Variants in LSAMP observed in about 807,000 individuals in gnomAD.
LSAMP encodes the protein limbic system-associated membrane protein.
Under a neutral mutation model 38.6 loss-of-function variants are expected in LSAMP, and 7 were observed. The observed-to-expected ratio is 0.18, with a 90% CI of 0.10 to 0.34. The LOEUF (loss-of-function observed/expected upper bound fraction) is 0.34. LSAMP is among the 10% of genes least tolerant of loss of function. The probability of loss-of-function intolerance (pLI) is 1.00; values close to 1 mark genes in which losing one functional copy is unlikely to be tolerated. For missense variants in LSAMP, 313 were observed against 420.0 expected (o/e 0.75, Z 2.23); for synonymous variants, 154 against 166.8 (o/e 0.92, Z 0.59).
At chr3:116,065,721 C>A (rs536487040) in intron 2 of LSAMP, among the ~76,000 whole-genome samples, 7 of 152,242 alleles carry the variant, frequency 4.6e-5, no homozygotes, top group African/African-American at 1.7e-4. Flanking sequence ...TAAATATGCC[C>A]AAGAGAACTG....
chr3:116,135,122 A>G (rs78826040), intron 1 of LSAMP, among the ~76,000 whole-genome samples: 8,848 of 152,240 alleles, frequency 0.058, 306 homozygotes, highest in Middle Eastern at 0.16. Context: ...ACTAAAACTC[A>G]GGAAATGAAT....
At chr3:116,194,068 G>T (rs1358363450) in intron 1 of LSAMP, among the ~76,000 whole-genome samples, 4 of 152,146 alleles carry the variant, frequency 2.6e-5, no homozygotes, top group Non-Finnish European at 5.9e-5. Flanking sequence ...AACGCAATCC[G>T]ACTCCTATAG....
At chr3:115,946,331 A>G (rs62268835) in intron 3 of LSAMP, among the ~76,000 whole-genome samples, 175 of 152,284 alleles carry the variant, frequency 1.1e-3, no homozygotes, top group Non-Finnish European at 2.1e-3. Flanking sequence ...CGGAAAGACT[A>G]ACAGAACAAA....
chr3:116,081,531 A>G (rs905484259), intron 2 of LSAMP, among the ~76,000 whole-genome samples: 6 of 152,172 alleles, frequency 3.9e-5, no homozygotes, highest in African/African-American at 1.4e-4. Context: ...AGACATTATA[A>G]TTTTAAGCCA....
At chr3:115,885,391 T>C (rs997384098) in intron 3 of LSAMP, among the ~76,000 whole-genome samples, 1 of 152,040 alleles carries the variant, frequency 6.6e-6, no homozygotes, top group African/African-American at 2.4e-5. Context: ...AGATTGTCTA[T>C]GTGCCCAGGA....
chr3:116,254,231 T>C (rs140960240), intron 1 of LSAMP, among the ~76,000 whole-genome samples: 125 of 152,274 alleles, frequency 8.2e-4, no homozygotes, highest in South Asian at 1.7e-3. Flanking sequence ...TTATAACTAT[T>C]AGTCTGTCCA....
chr3:116,400,040 T>C (rs2048817958), intron 1 of LSAMP, among the ~76,000 whole-genome samples: 1 of 152,238 alleles, frequency 6.6e-6, no homozygotes, highest in Non-Finnish European at 1.5e-5. Context: ...TCATTCCATC[T>C]GAACTACTCA....
chr3:115,870,986 C>T (rs891195131), intron 3 of LSAMP, among the ~76,000 whole-genome samples: 1 of 152,062 alleles, frequency 6.6e-6, no homozygotes, highest in African/African-American at 2.4e-5. Flanking sequence ...AAACTCATTA[C>T]ATGAAATCAC....
intron 3 of LSAMP, among the ~76,000 whole-genome samples, chr3:115,938,286 A>C (rs2107553010): frequency 6.6e-6 from 1 of 152,284 alleles, no homozygotes; most frequent in South Asian, 2.1e-4. Context: ...TCACAAAATA[A>C]ATACATCATT....
chr3:116,335,859 AG>A (rs1302015882), intron 1 of LSAMP, among the ~76,000 whole-genome samples: 1 of 152,086 alleles, frequency 6.6e-6, no homozygotes, highest in East Asian at 1.9e-4. Context: ...ACACAATGGT[AG>A]TATGGGTATC....
chr3:116,215,397 G>A (rs1283069944), intron 1 of LSAMP, among the ~76,000 whole-genome samples: 1 of 151,858 alleles, frequency 6.6e-6, no homozygotes, highest in Non-Finnish European at 1.5e-5. Flanking sequence ...TTCCAACTTT[G>A]CTTTTTAAAG....
chr3:116,327,325 C>A (rs2047786907), intron 1 of LSAMP, among the ~76,000 whole-genome samples: 1 of 152,118 alleles, frequency 6.6e-6, no homozygotes, highest in Non-Finnish European at 1.5e-5. Context: ...TCAGAGTTGC[C>A]AGGAACACTC....
chr3:116,253,743 A>C (rs2046715988), intron 1 of LSAMP, among the ~76,000 whole-genome samples: 1 of 152,184 alleles, frequency 6.6e-6, no homozygotes, highest in South Asian at 2.1e-4. Flanking sequence ...TAAATAAATA[A>C]ATCCGACAAA....
Position 116,325,328 on chromosome 3 carries a change from G to A in LSAMP, c.155+119549C>T, listed in dbSNP as rs2047755526. ...GCCTAAATATTATTTCTTAAACAAG[G>A]AATCGCTACCTCTTTCTTAGAGTTA... On this transcript the variant is annotated intron_variant, in intron 1 of 6. Coordinates refer to ENST00000490035, the MANE Select transcript of LSAMP (RefSeq NM_002338.5). Among the ~76,000 whole-genome samples the A allele has an allele frequency of 2.6e-5, 4 of 151,964 alleles. No homozygotes were observed. In the Middle Eastern group the frequency reaches 0.01, roughly 388 times the overall value.
chr3:116,020,689 C>T lies in LSAMP; in HGVS notation c.389-1049G>A, dbSNP rs992256787. ...TTCAGGGTGGCAACATTAGATCACA[C>T]GTCGGTAGGCTTAAGTGGGGAGTGA... On this transcript the variant is annotated intron_variant, in intron 2 of 6. Coordinates refer to ENST00000490035, the MANE Select transcript of LSAMP (RefSeq NM_002338.5). Among the ~76,000 whole-genome samples the T allele has an allele frequency of 3.9e-5, 6 of 152,168 alleles. 1 individual carries two copies. The highest frequency in any genetic ancestry group is 4.1e-4 in the South Asian group (2 of 4,830).
chr3:116,217,955 T>C (rs548140378), intron 1 of LSAMP, among the ~76,000 whole-genome samples: 1 of 152,226 alleles, frequency 6.6e-6, no homozygotes, highest in East Asian at 1.9e-4. Context: ...GTGGTTCAGG[T>C]GAAAAGAACC....
chr3:116,025,045 T>C (rs1940748963), intron 2 of LSAMP, among the ~76,000 whole-genome samples: 1 of 152,076 alleles, frequency 6.6e-6, no homozygotes, highest in South Asian at 2.1e-4. Flanking sequence ...CTGTTTAACA[T>C]AATACTCTTA....
At chr3:116,325,179 G>A (rs1167175198) in intron 1 of LSAMP, among the ~76,000 whole-genome samples, 2 of 151,518 alleles carry the variant, frequency 1.3e-5, no homozygotes, top group Admixed American at 1.3e-4. Flanking sequence ...GCCCAGGCTG[G>A]AGTGCAGTGG....
chr3:116,254,858 G>A (rs1361964978), intron 1 of LSAMP, among the ~76,000 whole-genome samples: 1 of 152,108 alleles, frequency 6.6e-6, no homozygotes, highest in Non-Finnish European at 1.5e-5. Flanking sequence ...TTTAAATTTT[G>A]CACTGAATGT....
Sources: gnomAD v4.1 joint callset for allele counts (sites outside exome capture counted in the v4.1 genomes callset) on GRCh38, gnomAD v4.1.1 for gene constraint, MANE v1.5 for transcripts, NCBI Gene and HGNC (gene_info 2026-07-23, HGNC 2026-07-21) for gene names.